Variants in IPO11 observed in about 807,000 individuals in gnomAD.
The protein encoded by IPO11 is importin 11.
A neutral mutation model predicts 143.2 loss-of-function variants in IPO11; 66 were observed. The observed-to-expected ratio is 0.46, with a 90% CI of 0.38 to 0.57. The LOEUF (loss-of-function observed/expected upper bound fraction) is 0.57, where lower values mean the gene tolerates loss of function less well. Among genes scored for constraint, IPO11 ranks in the 20% least tolerant of loss-of-function variants. The pLI, the probability that IPO11 is intolerant of heterozygous loss-of-function variation, is 0.00. For synonymous variants in IPO11, 385 were observed against 377.8 expected, an observed-to-expected ratio of 1.02 and a Z score of -0.22; for missense variants, 1,026 against 1,141.0, an observed-to-expected ratio of 0.90 and a Z score of 1.45.
At chr5:62,473,260 A>G (rs772875982) in intron 7 of IPO11, among the ~76,000 whole-genome samples, 3 of 152,198 alleles carry the variant, frequency 2.0e-5, no homozygotes, top group Non-Finnish European at 2.9e-5. Flanking sequence ...TCCAGAAGGT[A>G]TAAAGGAAGA....
chr5:62,580,067 AT>A, intron 27 of IPO11: 1 of 1,551,164 alleles, frequency 6.4e-7, no homozygotes, highest in Non-Finnish European at 8.7e-7. Flanking sequence ...GCTTGTTTGT[AT>A]TTAGGAAGTA....
chr5:62,563,285 G>T (rs1743833915), intron 27 of IPO11, among the ~76,000 whole-genome samples: 1 of 152,158 alleles, frequency 6.6e-6, no homozygotes, highest in South Asian at 2.1e-4. Context: ...CACTCTGCTT[G>T]TTAGATAAAT....
At chr5:62,557,129 T>C (rs911151512) in intron 26 of IPO11, among the ~76,000 whole-genome samples, 2 of 152,198 alleles carry the variant, frequency 1.3e-5, no homozygotes, top group Non-Finnish European at 2.9e-5. Flanking sequence ...CAATGTGTTA[T>C]CTAAACATTA....
At chr5:62,579,659 A>C in intron 27 of IPO11, 1 of 1,546,716 alleles carries the variant, frequency 6.5e-7, no homozygotes, top group Non-Finnish European at 8.7e-7. Context: ...AATATATCTT[A>C]TATAAATGAA....
At position 62,515,396 on chromosome 5, in the gene IPO11, A is replaced by C; in HGVS notation, c.1791A>C (p.Pro597=). Reference sequence around the variant, plus strand: ...TACTTATATTGTAATAGATACGACCATATGTGGGATGTTTGGTACAATATT... The same window carrying C: ...TACTTATATTGTAATAGATACGACCCTATGTGGGATGTTTGGTACAATATT... ...VIERVNMQIR[P]YVGCLVQYLP... The change falls in exon 20 of 30, where the codon CCA becomes CCC. Residue 597 remains proline (P), a synonymous_variant. Transcript: ENST00000325324. 6.2e-7 allele frequency: 1 copy of C among 1,604,190 alleles called. No individual in the cohort carries two copies.
rs1746523796 is a variant in IPO11, at chr5:62,489,363, A to C, written c.1357+14A>C. The C allele has an allele frequency of 1.3e-6, 2 of 1,539,670 alleles. No homozygotes were observed. The highest frequency in any genetic ancestry group is 1.9e-5 in the Admixed American group (1 of 54,032). ...TCAAAGATGCTGGTATGTTAAACTT[A>C]AGTGATTTAGAAGCATTTATTTATT... On this transcript the variant is annotated intron_variant, in intron 14 of 29. Transcript: ENST00000325324.
At chr5:62,481,019 C>CAGTG (rs1746184410) in intron 9 of IPO11, among the ~76,000 whole-genome samples, 1 of 148,564 alleles carries the variant, frequency 6.7e-6, no homozygotes, top group Non-Finnish European at 1.5e-5. Flanking sequence ...GGGTTCACAC[C>CAGTG]ATTCTCCTGC....
chr5:62,600,579 T>C (rs930438697), intron 28 of IPO11, among the ~76,000 whole-genome samples: 5 of 152,218 alleles, frequency 3.3e-5, no homozygotes, highest in Non-Finnish European at 7.3e-5. Flanking sequence ...GATGTAGACC[T>C]TTTTAAGACA....
intron 27 of IPO11, among the ~76,000 whole-genome samples, chr5:62,587,868 T>C (rs967885609): frequency 6.6e-6 from 1 of 152,174 alleles, no homozygotes; most frequent in Non-Finnish European, 1.5e-5. Flanking sequence ...TAGTCACTGG[T>C]GGAGCGACAA....
intron 20 of IPO11, among the ~76,000 whole-genome samples, chr5:62,525,324 A>G (rs1475120893): frequency 2.7e-5 from 4 of 148,998 alleles, no homozygotes; most frequent in South Asian, 2.1e-4. Flanking sequence ...ATTTGTTTGA[A>G]AATTTAAAAT....
chr5:62,527,300 T>A lies in IPO11; in HGVS notation c.2012+1043T>A, dbSNP rs183187049. On this transcript the variant is annotated intron_variant, in intron 21 of 29. Transcript: ENST00000325324. ...AACTTGTACTAGACAGGACCAGATA[T>A]TAAATATTTTGGGCTTTCTAAGTCA... is the stretch of plus-strand genomic sequence containing the variant. Among the ~76,000 whole-genome samples, 118 of 152,330 alleles carry A rather than the reference T, an allele frequency of 7.7e-4. 2 individuals carry two copies. The highest frequency in any genetic ancestry group is 2.6e-3 in the African/African-American group (110 of 41,582).
intron 29 of IPO11, among the ~76,000 whole-genome samples, chr5:62,609,358 C>G (rs148973163): frequency 1.1e-3 from 168 of 152,344 alleles, no homozygotes; most frequent in African/African-American, 3.7e-3. Context: ...ATAGCATCAC[C>G]AGCACAAAAA....
intron 27 of IPO11, among the ~76,000 whole-genome samples, chr5:62,562,573 G>A (rs1447208476): frequency 6.6e-6 from 1 of 152,210 alleles, no homozygotes; most frequent in Non-Finnish European, 1.5e-5. Context: ...AGCTCAGGCA[G>A]TAATGCTTGC....
chr5:62,601,074 A>G (rs1474645700), intron 28 of IPO11, among the ~76,000 whole-genome samples: 2 of 152,220 alleles, frequency 1.3e-5, no homozygotes, highest in Non-Finnish European at 2.9e-5. Flanking sequence ...TCATGCTGAT[A>G]AATTACTGAA....
chr5:62,435,136 GTATATA>G (rs200504250), intron 1 of IPO11, among the ~76,000 whole-genome samples: 1 of 95,900 alleles, frequency 1.0e-5, no homozygotes, highest in African/African-American at 5.7e-5. Context: ...GTATATATAT[GTATATA>G]TGTATATATG....
At chr5:62,450,154 T>C (rs1429188452) in intron 4 of IPO11, among the ~76,000 whole-genome samples, 155 bp downstream of exon 4, 2 of 152,230 alleles carry the variant, frequency 1.3e-5, no homozygotes, top group Non-Finnish European at 2.9e-5. Flanking sequence ...GAGATCTATT[T>C]GTAGCGTTGA....
intron 1 of IPO11, among the ~76,000 whole-genome samples, chr5:62,426,337 A>G (rs1743739636): frequency 1.3e-5 from 2 of 152,208 alleles, no homozygotes; most frequent in South Asian, 4.1e-4. Context: ...CAGTGAGCTC[A>G]GATTGTGCCA....
intron 27 of IPO11, among the ~76,000 whole-genome samples, chr5:62,582,153 T>C (rs991413231): frequency 2.6e-5 from 4 of 152,182 alleles, no homozygotes; most frequent in Non-Finnish European, 5.9e-5. Context: ...GTGAAATGAT[T>C]AGATTTACCC....
intron 24 of IPO11, among the ~76,000 whole-genome samples, chr5:62,540,750 C>T (rs1742907440): frequency 6.6e-6 from 1 of 152,178 alleles, no homozygotes; most frequent in Admixed American, 6.5e-5. Context: ...GTGAGGAATA[C>T]TTGAGCTTAT....
Sources: gnomAD v4.1 joint callset for allele counts (sites outside exome capture counted in the v4.1 genomes callset) on GRCh38, gnomAD v4.1.1 for gene constraint, MANE v1.5 for transcripts, NCBI Gene and HGNC (gene_info 2026-07-23, HGNC 2026-07-21) for gene names.